CCDC148: variants seen among roughly 807,000 people sequenced by gnomAD.
CCDC148 encodes coiled-coil domain containing 148.
A neutral mutation model predicts 85.7 loss-of-function variants in CCDC148; 89 were observed. That is an observed-to-expected ratio of 1.04 (90% CI 0.87 to 1.24). CCDC148 has a LOEUF of 1.24. CCDC148 is among the 50% of genes most tolerant of loss of function. The pLI is 0.00. For synonymous variants in CCDC148, 230 were observed against 213.9 expected (o/e 1.08, Z -0.66); for missense variants, 692 against 671.7 (o/e 1.03, Z -0.33).
At chr2:158,372,292 C>T (rs1191006619) in intron 1 of CCDC148, among the ~76,000 whole-genome samples, 3 of 151,968 alleles carry the variant, frequency 2.0e-5, no homozygotes, top group Non-Finnish European at 4.4e-5. Context: ...CTGACTGTCT[C>T]GAAATTCTGA....
At chr2:158,399,022 C>G (rs1284927560) in intron 1 of CCDC148, among the ~76,000 whole-genome samples, 2 of 152,170 alleles carry the variant, frequency 1.3e-5, no homozygotes, top group Non-Finnish European at 2.9e-5. Flanking sequence ...ACTAGAAAAT[C>G]TAGAAGAAAT....
At chr2:158,433,399 T>C (rs1687471921) in intron 1 of CCDC148, among the ~76,000 whole-genome samples, 2 of 151,920 alleles carry the variant, frequency 1.3e-5, no homozygotes, top group South Asian at 4.1e-4. Context: ...AAAATATCTA[T>C]GATACATATA....
intron 11 of CCDC148, 135 bp from the exon 12 acceptor site, chr2:158,179,131 G>T: frequency 2.6e-6 from 1 of 389,504 alleles, no homozygotes; most frequent in Non-Finnish European, 4.7e-6. Flanking sequence ...GATTTCTCAA[G>T]TCCAAATCAA....
intron 7 of CCDC148, among the ~76,000 whole-genome samples, chr2:158,328,496 C>G (rs1692911952): frequency 6.6e-6 from 1 of 152,032 alleles, no homozygotes; most frequent in Non-Finnish European, 1.5e-5. Context: ...GTCTTTATAG[C>G]AGCATGATTT....
chr2:158,215,892 C>T (rs967323460), intron 11 of CCDC148, among the ~76,000 whole-genome samples: 1 of 152,158 alleles, frequency 6.6e-6, no homozygotes, highest in Non-Finnish European at 1.5e-5. Flanking sequence ...TAACTCTCTT[C>T]ACCATGTGAA....
intron 1 of CCDC148, among the ~76,000 whole-genome samples, chr2:158,432,209 G>A (rs1464147260): frequency 2.0e-5 from 3 of 149,370 alleles, no homozygotes; most frequent in African/African-American, 7.4e-5. Flanking sequence ...AAAAGGCAAA[G>A]AAAATTAAAA....
intron 10 of CCDC148, among the ~76,000 whole-genome samples, chr2:158,221,382 AC>A (rs200601693): frequency 6.6e-6 from 1 of 152,242 alleles, no homozygotes; most frequent in East Asian, 1.9e-4. Flanking sequence ...AACCAGAGGT[AC>A]ATATGAGCTA....
chr2:158,218,515 C>A (rs1361720104), intron 11 of CCDC148, among the ~76,000 whole-genome samples: 1 of 152,112 alleles, frequency 6.6e-6, no homozygotes, highest in African/African-American at 2.4e-5. Context: ...GGACAGGAAG[C>A]AAAAGACTGA....
chr2:158,454,895 G>C (rs1037582764), intron 1 of CCDC148, among the ~76,000 whole-genome samples: 1 of 152,162 alleles, frequency 6.6e-6, no homozygotes, highest in Non-Finnish European at 1.5e-5. Context: ...ATTCATGGTG[G>C]ATTTCAGTAA....
chr2:158,196,613 C>T (rs1258372714), intron 11 of CCDC148, among the ~76,000 whole-genome samples: 4 of 152,204 alleles, frequency 2.6e-5, no homozygotes, highest in African/African-American at 9.6e-5. Context: ...TATGGTCCAA[C>T]ATGTCTCAAG....
chr2:158,246,310 C>T (rs79480393), intron 10 of CCDC148, among the ~76,000 whole-genome samples: 2,645 of 152,230 alleles, frequency 0.017, 55 homozygotes, highest in African/African-American at 0.04. Flanking sequence ...CGCTGAAGAA[C>T]CAAAATGTAT....
At chr2:158,239,188 T>C (rs1034911986) in intron 10 of CCDC148, among the ~76,000 whole-genome samples, 1 of 152,082 alleles carries the variant, frequency 6.6e-6, no homozygotes, top group African/African-American at 2.4e-5. Context: ...CAGTCAAAAA[T>C]TTATACCTGG....
intron 7 of CCDC148, among the ~76,000 whole-genome samples, chr2:158,331,603 G>T (rs949985413): frequency 2.6e-5 from 4 of 152,030 alleles, no homozygotes; most frequent in African/African-American, 9.7e-5. Flanking sequence ...TGTTGCCATG[G>T]GGTGTTAAAG....
intron 1 of CCDC148, among the ~76,000 whole-genome samples, chr2:158,368,239 C>CA: frequency 6.6e-6 from 1 of 152,046 alleles, no homozygotes; most frequent in African/African-American, 2.4e-5. Context: ...ACCAGGGTTT[C>CA]AAAAAATAAT....
chr2:158,276,421 G>A (rs1223917289), intron 9 of CCDC148, among the ~76,000 whole-genome samples: 1 of 152,038 alleles, frequency 6.6e-6, no homozygotes, highest in East Asian at 1.9e-4. Context: ...GAGACAAAGT[G>A]AGACTCGGTC....
rs569578356 is a variant in CCDC148 at position 158,422,996 on chromosome 2, TA to T, written c.25+33418del. 3.2e-3 allele frequency among the ~76,000 whole-genome samples: 487 copies of T among 152,120 alleles called. 3 individuals are homozygous for T. The highest frequency in any genetic ancestry group is 0.011 in the African/African-American group (473 of 41,474). On this transcript the variant is annotated intron_variant, in intron 1 of 13. Coordinates refer to ENST00000283233, the MANE Select transcript of CCDC148 (RefSeq NM_138803.4). ...CCATTCAGAATTGCTTCAAAGAGAA[TA>T]AAATACCTAGGAATCCAACTTACAA...
chr2:158,330,332 C>A (rs1334598171), intron 7 of CCDC148, among the ~76,000 whole-genome samples: 2 of 152,154 alleles, frequency 1.3e-5, no homozygotes, highest in Non-Finnish European at 2.9e-5. Context: ...ATATGTTGAA[C>A]CAGCCTTGCA....
chr2:158,296,824 G>A (rs763985450), intron 9 of CCDC148, among the ~76,000 whole-genome samples: 1 of 152,128 alleles, frequency 6.6e-6, no homozygotes, highest in African/African-American at 2.4e-5. Flanking sequence ...TCAAGTCCTC[G>A]AACCCTGGGA....
At chr2:158,244,604 A>G (rs539009952) in intron 10 of CCDC148, among the ~76,000 whole-genome samples, 2 of 152,212 alleles carry the variant, frequency 1.3e-5, no homozygotes, top group African/African-American at 2.4e-5. Context: ...TTATCTATCA[A>G]TGGTGGTCAC....
Sources: allele counts gnomAD v4.1 joint callset (sites outside exome capture counted in the v4.1 genomes callset), GRCh38; gene constraint gnomAD v4.1.1; transcripts MANE v1.5; gene names NCBI Gene and HGNC (gene_info 2026-07-23, HGNC 2026-07-21).